PAXBP1: variants seen among roughly 807,000 people sequenced by gnomAD.
The protein encoded by PAXBP1 is PAX3- and PAX7-binding protein 1.
In PAXBP1, 44 loss-of-function variants were observed where a neutral mutation model predicts 119.9. The ratio of observed to expected loss-of-function variants is 0.37; its 90% CI spans 0.29 to 0.47. The LOEUF (loss-of-function observed/expected upper bound fraction) is 0.47. Ranked by LOEUF, PAXBP1 falls within the 20% of genes least tolerant of loss-of-function variation. The pLI, the probability that PAXBP1 is intolerant of heterozygous loss-of-function variation, is 0.99. For synonymous variants in PAXBP1, 393 were observed against 406.6 expected (o/e 0.97, Z 0.40); for missense variants, 898 against 1,134.1 (o/e 0.79, Z 2.99).
rs535480452 is a variant in PAXBP1 at position 32,759,732 on chromosome 21, A to T, written c.1193+45T>A. On this transcript the variant is annotated intron_variant, in intron 6 of 17. Coordinates refer to ENST00000331923, the MANE Select transcript of PAXBP1 (RefSeq NM_016631.4). Reference sequence around the variant, plus strand: ...CCCAGACTACATGTTGCCTGAGGGAACAGAAAGCTAGCGGACAGGTCTTTA... The same window carrying T: ...CCCAGACTACATGTTGCCTGAGGGATCAGAAAGCTAGCGGACAGGTCTTTA... 3 of 1,506,456 alleles carry T rather than the reference A, an allele frequency of 2.0e-6. No individual in the cohort carries two copies. The East Asian group carries it at 6.8e-5, about 34-fold the overall frequency. The allele number at this position is 1,506,456 out of a possible 1,614,324, so 93.3% of individuals were successfully genotyped here. A position where few individuals can be genotyped will look rare whatever the true frequency, so the allele number is the denominator to read the frequency against.
At chr21:32,762,998 G>A (rs930750550) in intron 3 of PAXBP1, among the ~76,000 whole-genome samples, 1 of 151,586 alleles carries the variant, frequency 6.6e-6, no homozygotes, top group African/African-American at 2.4e-5. Context: ...CCCTGAAAAG[G>A]CACTATATGA....
chr21:32,755,453 T>C, intron 7 of PAXBP1, 100 bp from the exon 8 acceptor site: 1 of 1,471,760 alleles, frequency 6.8e-7, no homozygotes, highest in Non-Finnish European at 9.2e-7. Flanking sequence ...GTACCCTCTC[T>C]ATGGACAGAA....
chr21:32,757,990 A>T (rs2044070975), intron 7 of PAXBP1, among the ~76,000 whole-genome samples: 1 of 152,226 alleles, frequency 6.6e-6, no homozygotes, highest in Non-Finnish European at 1.5e-5. Flanking sequence ...GCTTCTCCAG[A>T]AACCAGGTGA....
At chr21:32,768,523 AT>A (rs879755264) in intron 2 of PAXBP1, among the ~76,000 whole-genome samples, 1 of 152,164 alleles carries the variant, frequency 6.6e-6, no homozygotes, top group Non-Finnish European at 1.5e-5. Flanking sequence ...AACAGAAAAC[AT>A]TTTTAACTCA....
chr21:32,769,050 A>G lies in PAXBP1; in HGVS notation c.472+764T>C, dbSNP rs549904747. Among the ~76,000 whole-genome samples, 3 of 152,324 alleles carry G rather than the reference A, an allele frequency of 2.0e-5. No individual in the cohort carries two copies. In the South Asian group the frequency reaches 6.2e-4, roughly 32 times the overall value. On this transcript the variant is annotated intron_variant, in intron 2 of 17. Transcript: ENST00000331923. ...TGCCAAACACTGAGTCCTCTTACACATTTATGAGATATTGTCTTCACATCT... is the reference window on the plus strand; with the variant it reads ...TGCCAAACACTGAGTCCTCTTACACGTTTATGAGATATTGTCTTCACATCT...
In PAXBP1 at chr21:32,755,585, A is replaced by G. The variant is rs147410487; in HGVS notation, c.1384-232T>C. 1.4e-3 allele frequency: 498 copies of G among 354,828 alleles called. 1 individual carries two copies. The highest frequency in any genetic ancestry group is 8.3e-3 in the African/African-American group (390 of 47,152). The allele number at this position is 354,828 out of a possible 1,614,324, so 22.0% of individuals were successfully genotyped here. A position where few individuals can be genotyped will look rare whatever the true frequency, so the allele number is the denominator to read the frequency against. ...CCAGTGCCTAGTTATTGGAGCAAAC[A>G]TTAGTTAAGAAATGTAACACTTCAG... On this transcript the variant is annotated intron_variant, in intron 7 of 17. Coordinates refer to ENST00000331923, the MANE Select transcript of PAXBP1 (RefSeq NM_016631.4).
chr21:32,751,060 C>T (rs770452305), intron 9 of PAXBP1, 28 bp from the exon 10 acceptor site: 3 of 1,613,174 alleles, frequency 1.9e-6, no homozygotes, highest in South Asian at 2.2e-5. Context: ...AGTTCCCAAA[C>T]TAGATAACAG....
chr21:32,738,390 A>G, intron 15 of PAXBP1, 71 bp from the exon 16 acceptor site: 3 of 1,264,310 alleles, frequency 2.4e-6, no homozygotes, highest in Non-Finnish European at 3.3e-6. Context: ...GTTACATAGT[A>G]AAACACCATA....
At chr21:32,764,694 T>G (rs1424674937) in intron 2 of PAXBP1, among the ~76,000 whole-genome samples, 170 bp from the exon 3 acceptor site, 1 of 152,206 alleles carries the variant, frequency 6.6e-6, no homozygotes, top group Admixed American at 6.5e-5. Flanking sequence ...TGTTAAAAAC[T>G]CATAACTCTT....
chr21:32,760,914 T>C (rs111914432), intron 5 of PAXBP1, 145 bp downstream of exon 5: 27 of 628,362 alleles, frequency 4.3e-5, no homozygotes, highest in African/African-American at 3.0e-4. Flanking sequence ...TGTGTGTGTG[T>C]GTGTGTGTGT....
chr21:32,771,548 C>G lies in PAXBP1; in HGVS notation c.121G>C (p.Glu41Gln), dbSNP rs1198751192. ...PLLPPPGTGE[E>Q]AGPGGGDRAP... ...CTGTCGCCGCCACCGGGGCCCGCCT[C>G]TTCGCCCGTGCCCGGCGGCGGCAAC... is the stretch of plus-strand genomic sequence containing the variant. The change falls in exon 1 of 18, where the codon GAG becomes CAG. Residue 41 changes from glutamate to glutamine, a missense_variant. Coordinates refer to ENST00000331923, the MANE Select transcript of PAXBP1 (RefSeq NM_016631.4). 1.1e-5 allele frequency: 16 copies of G among 1,403,298 alleles called. No homozygotes were observed. The highest frequency in any genetic ancestry group is 1.8e-6 in the Non-Finnish European group (2 of 1,083,050). 86.9% of individuals were successfully genotyped at this position (1,403,298 alleles called of 1,614,324 possible). A position where few individuals can be genotyped will look rare whatever the true frequency, so the allele number is the denominator to read the frequency against.
chr21:32,744,260 T>TAAAAAAAAAAAAA (rs762993580), intron 13 of PAXBP1, among the ~76,000 whole-genome samples: 1 of 57,556 alleles, frequency 1.7e-5, no homozygotes, highest in Admixed American at 2.1e-4. Flanking sequence ...GCTGATGAGC[T>TAAAAAAAAAAAAA]AAAAAAAAAA....
At chr21:32,770,800 CTG>C (rs1315191970) in intron 1 of PAXBP1, among the ~76,000 whole-genome samples, 1 of 152,206 alleles carries the variant, frequency 6.6e-6, no homozygotes, top group African/African-American at 2.4e-5. Context: ...TATGGGTAAA[CTG>C]AGGCTCAGCG....
chr21:32,760,010 G>T lies in PAXBP1; in HGVS notation c.976-16C>A, dbSNP rs555878678. On this transcript the variant is annotated splice_polypyrimidine_tract_variant and intron_variant, in intron 5 of 17. Transcript: ENST00000331923. ...TGGCTTGAACCTAGAAAAGAAATGG[G>T]ATATAGATGAAATCTGGTAGTTAAA... The T allele has an allele frequency of 6.3e-7, 1 of 1,582,606 alleles. No individual in the cohort carries two copies. Among genetic ancestry groups the T allele is most frequent in the African/African-American group, 1.4e-5 (1 of 73,932 alleles).
intron 15 of PAXBP1, chr21:32,741,715 G>A: frequency 1.9e-6 from 1 of 539,504 alleles, no homozygotes; most frequent in Non-Finnish European, 3.3e-6. Flanking sequence ...TAGGTTTTAT[G>A]GTTGGCTTTG....
intron 3 of PAXBP1, 69 bp downstream of exon 3, chr21:32,764,279 A>C: frequency 6.9e-7 from 1 of 1,448,242 alleles, no homozygotes; most frequent in South Asian, 1.3e-5. Context: ...CCTTCTTAAT[A>C]ATCATCTTTA....
At chr21:32,767,440 T>C (rs967197284) in intron 2 of PAXBP1, among the ~76,000 whole-genome samples, 1 of 152,234 alleles carries the variant, frequency 6.6e-6, no homozygotes, top group Non-Finnish European at 1.5e-5. Context: ...GATGGCTTCA[T>C]CAACTTCACA....
At chr21:32,744,277 G>GAA (rs1328463759) in intron 13 of PAXBP1, among the ~76,000 whole-genome samples, 1 of 107,274 alleles carries the variant, frequency 9.3e-6, no homozygotes, top group Non-Finnish European at 2.0e-5. Flanking sequence ...AAAAAAAAAA[G>GAA]AAAAAAAAAA....
chr21:32,738,238 G>A lies in PAXBP1; in HGVS notation c.2416C>T (p.Arg806Ter). ...TTCTGAAAAGCCATGAGAATATATC[G>A]ATTTAATAAACCATCTATTGATAAC... ...QELSIDGLLN[R>*]YILMAFQNSE... The change falls in exon 16 of 18, where the codon CGA becomes TGA. Residue 806 changes from arginine (R) to a stop codon, truncating the protein, a stop_gained. Coordinates refer to ENST00000331923, the MANE Select transcript of PAXBP1 (RefSeq NM_016631.4). LOFTEE classifies it high-confidence loss of function. 1.2e-6 allele frequency: 2 copies of A among 1,601,328 alleles called. No individual in the cohort carries two copies. The highest frequency in any genetic ancestry group is 1.7e-6 in the Non-Finnish European group (2 of 1,176,344).
Sources: gnomAD v4.1 joint callset for allele counts (sites outside exome capture counted in the v4.1 genomes callset) on GRCh38, gnomAD v4.1.1 for gene constraint, MANE v1.5 for transcripts, NCBI Gene and HGNC (gene_info 2026-07-23, HGNC 2026-07-21) for gene names.